NFIB: variants seen among roughly 807,000 people sequenced by gnomAD.
The protein encoded by NFIB is nuclear factor 1 B-type.
Under a neutral mutation model 61.5 loss-of-function variants are expected in NFIB, and 11 were observed. That is an observed-to-expected ratio of 0.18 (90% CI 0.11 to 0.30). The LOEUF (loss-of-function observed/expected upper bound fraction) is 0.30. NFIB is among the 10% of genes least tolerant of loss of function. NFIB has a pLI of 1.00. For synonymous variants in NFIB, 260 were observed against 216.5 expected (o/e 1.20, Z -1.76); for missense variants, 471 against 608.9 (o/e 0.77, Z 2.38).
intron 1 of NFIB, among the ~76,000 whole-genome samples, chr9:14,328,781 G>T (rs1355201847): frequency 6.6e-6 from 1 of 152,112 alleles, no homozygotes; most frequent in Non-Finnish European, 1.5e-5. Flanking sequence ...GAATTGTAAA[G>T]TTGTTAAAAT....
chr9:14,423,578 A>G, the NFIB span, among the ~76,000 whole-genome samples: 2 of 152,178 alleles, frequency 1.3e-5, no homozygotes, highest in South Asian at 4.1e-4. Flanking sequence ...CTGGCCATCT[A>G]TAGTTTTCTC....
At position 14,084,628 on chromosome 9, in the gene NFIB, A is replaced by T. The variant is rs1168648939; in HGVS notation, c.*3681T>A. On this transcript the variant is annotated 3_prime_UTR_variant, in exon 11 of 11. Coordinates refer to ENST00000380953, the MANE Select transcript of NFIB (RefSeq NM_001190737.2). ...CAGCACACAAAGGCTGAACAGTGCC[A>T]CGGAACTGATGGTTGGAGACACCAC... 4.4e-6 allele frequency: 1 copy of T among 229,162 alleles called. No homozygotes were observed. The highest frequency in any genetic ancestry group is 8.7e-6 in the Non-Finnish European group (1 of 115,344). The allele number at this position is 229,162 out of a possible 1,614,324, so 14.2% of individuals were successfully genotyped here. A position where few individuals can be genotyped will look rare whatever the true frequency, so the allele number is the denominator to read the frequency against.
chr9:14,323,696 G>A (rs536932712), intron 1 of NFIB, among the ~76,000 whole-genome samples: 3 of 152,104 alleles, frequency 2.0e-5, no homozygotes, highest in Non-Finnish European at 4.4e-5. Context: ...ATGTGAGCAC[G>A]TCAGTATTTT....
chr9:14,183,468 ATCACAGC>A (rs1174533061), intron 2 of NFIB, among the ~76,000 whole-genome samples: 2 of 151,322 alleles, frequency 1.3e-5, no homozygotes, highest in African/African-American at 4.9e-5. Flanking sequence ...CAGTAGCACT[ATCACAGC>A]TCACTGAAGC....
chr9:14,420,319 G>A, the NFIB span, among the ~76,000 whole-genome samples: 1 of 151,684 alleles, frequency 6.6e-6, no homozygotes, highest in African/African-American at 2.4e-5. Context: ...GGTGGTGTGC[G>A]CTTGCAATCC....
At chr9:14,317,942 A>G (rs1197889713), upstream of NFIB, among the ~76,000 whole-genome samples, 1 of 152,214 alleles carries the variant, frequency 6.6e-6, no homozygotes, top group Non-Finnish European at 1.5e-5. Context: ...AAGAGTGGAA[A>G]TATCTCTGAA....
At chr9:14,311,289 T>C (rs1054866695) in intron 1 of NFIB, among the ~76,000 whole-genome samples, 1 of 152,134 alleles carries the variant, frequency 6.6e-6, no homozygotes, top group African/African-American at 2.4e-5. Flanking sequence ...TGATACTCTA[T>C]TTTGCAATTT....
At chr9:14,223,260 C>T (rs964266752) in intron 2 of NFIB, among the ~76,000 whole-genome samples, 1 of 152,158 alleles carries the variant, frequency 6.6e-6, no homozygotes, top group African/African-American at 2.4e-5. Flanking sequence ...AAATCTATAG[C>T]AGGGGCACAC....
intron 1 of NFIB, among the ~76,000 whole-genome samples, chr9:14,356,602 T>G (rs1227461750): frequency 1.3e-5 from 2 of 151,992 alleles, no homozygotes; most frequent in Admixed American, 6.6e-5. Context: ...TTTCGTCTCC[T>G]GTTTTTTGCC....
At chr9:14,309,010 A>G (rs1322205683) in intron 1 of NFIB, among the ~76,000 whole-genome samples, 1 of 152,230 alleles carries the variant, frequency 6.6e-6, no homozygotes, top group Non-Finnish European at 1.5e-5. Context: ...CAAGATTTGA[A>G]GCAAATGAGA....
At chr9:14,275,405 T>C (rs536651662) in intron 2 of NFIB, among the ~76,000 whole-genome samples, 5 of 152,208 alleles carry the variant, frequency 3.3e-5, no homozygotes, top group South Asian at 2.1e-4. Flanking sequence ...CATAAAGTCA[T>C]AGTAAGAAGA....
intron 10 of NFIB, among the ~76,000 whole-genome samples, chr9:14,105,380 T>C (rs1244661458): frequency 6.6e-6 from 1 of 152,234 alleles, no homozygotes; most frequent in Non-Finnish European, 1.5e-5. Context: ...TGAATTTCCT[T>C]TTAGTTACTA....
the NFIB span, among the ~76,000 whole-genome samples, chr9:14,462,574 G>C: frequency 6.6e-6 from 1 of 152,140 alleles, no homozygotes; most frequent in Non-Finnish European, 1.5e-5. Context: ...GAGCCACCGT[G>C]CCCGGCCACC....
intron 1 of NFIB, among the ~76,000 whole-genome samples, chr9:14,319,926 C>T (rs1440807687): frequency 6.6e-6 from 1 of 152,020 alleles, no homozygotes; most frequent in East Asian, 1.9e-4. Flanking sequence ...AACAATTGGG[C>T]CTAAACAAAA....
intron 6 of NFIB, 21 bp from the exon 7 acceptor site, chr9:14,125,787 C>T: frequency 6.2e-7 from 1 of 1,611,804 alleles, no homozygotes; most frequent in African/African-American, 1.3e-5. Flanking sequence ...CAGAGAAAAA[C>T]CCAAAGCTCC....
upstream of NFIB, among the ~76,000 whole-genome samples, chr9:14,316,395 G>A (rs2132791004): frequency 6.6e-6 from 1 of 152,266 alleles, no homozygotes; most frequent in South Asian, 2.1e-4. Context: ...GGACTAGGAA[G>A]ACAGGTAAAG....
chr9:14,445,767 T>C, the NFIB span, among the ~76,000 whole-genome samples: 1 of 152,222 alleles, frequency 6.6e-6, no homozygotes, highest in African/African-American at 2.4e-5. Context: ...TCGAATGAGA[T>C]TAACCTGACA....
chr9:14,152,608 T>C (rs1024511122), intron 4 of NFIB, among the ~76,000 whole-genome samples: 20 of 152,146 alleles, frequency 1.3e-4, no homozygotes, highest in African/African-American at 4.8e-4. Context: ...ATGCAATATT[T>C]AGGCAAAGAT....
intron 1 of NFIB, among the ~76,000 whole-genome samples, chr9:14,324,543 A>G (rs2060729960): frequency 1.3e-5 from 2 of 152,166 alleles, no homozygotes; most frequent in Non-Finnish European, 2.9e-5. Flanking sequence ...AAAGGACATT[A>G]TAGAGAGAAT....
Sources: allele counts gnomAD v4.1 joint callset (sites outside exome capture counted in the v4.1 genomes callset), GRCh38; gene constraint gnomAD v4.1.1; transcripts MANE v1.5; gene names NCBI Gene and HGNC (gene_info 2026-07-23, HGNC 2026-07-21).